PPARG: variants seen among roughly 807,000 people sequenced by gnomAD.
PPARG encodes the protein peroxisome proliferator-activated receptor gamma.
A neutral mutation model predicts 39.2 loss-of-function variants in PPARG; 17 were observed. The ratio of observed to expected loss-of-function variants is 0.43; its 90% CI spans 0.30 to 0.65. The LOEUF is 0.65. Among genes scored for constraint, PPARG ranks in the 30% least tolerant of loss-of-function variants. PPARG has a pLI of 0.13. For missense variants in PPARG, 406 were observed against 585.9 expected (o/e 0.69, Z 3.17); for synonymous variants, 223 against 215.7 (o/e 1.03, Z -0.30).
chr3:12,370,089 G>A (rs1053876328), intron 2 of PPARG, among the ~76,000 whole-genome samples: 4 of 151,944 alleles, frequency 2.6e-5, no homozygotes, highest in African/African-American at 7.3e-5. Context: ...AGAGTACGTG[G>A]GAGGTAACTT....
At chr3:12,306,887 A>T (rs1304781021) in intron 1 of PPARG, among the ~76,000 whole-genome samples, 1 of 151,980 alleles carries the variant, frequency 6.6e-6, no homozygotes, top group East Asian at 1.9e-4. Context: ...TCACGAGGTC[A>T]GGAGATCGAG....
intron 2 of PPARG, among the ~76,000 whole-genome samples, chr3:12,352,459 A>G (rs1007385805): frequency 6.6e-6 from 1 of 152,154 alleles, no homozygotes; most frequent in African/African-American, 2.4e-5. Context: ...CTCCATTTCT[A>G]TAGCTCCTTC....
chr3:12,353,818 C>T (rs1384980084), intron 2 of PPARG, among the ~76,000 whole-genome samples: 1 of 152,166 alleles, frequency 6.6e-6, no homozygotes, highest in Admixed American at 6.5e-5. Flanking sequence ...CTCATGCTGG[C>T]TCTGAAACCA....
chr3:12,298,917 C>T (rs1290615843), intron 1 of PPARG, among the ~76,000 whole-genome samples: 1 of 152,108 alleles, frequency 6.6e-6, no homozygotes. Context: ...CTCACTGCAG[C>T]CTCAACTTCT....
chr3:12,296,225 A>T (rs1447920311), intron 1 of PPARG, among the ~76,000 whole-genome samples: 1 of 136,374 alleles, frequency 7.3e-6, no homozygotes, highest in Admixed American at 8.5e-5. Flanking sequence ...ACTGCACTCT[A>T]GCCTGGGCAA....
intron 2 of PPARG, among the ~76,000 whole-genome samples, chr3:12,347,652 G>A (rs979432219): frequency 5.3e-5 from 8 of 152,162 alleles, no homozygotes; most frequent in Admixed American, 4.6e-4. Flanking sequence ...CATTCTGGTT[G>A]TTAGCAATTA....
intron 6 of PPARG, among the ~76,000 whole-genome samples, chr3:12,415,717 A>G (rs546484959): frequency 3.5e-4 from 54 of 152,364 alleles, no homozygotes; most frequent in African/African-American, 1.1e-3. Context: ...TAGGCCTTCT[A>G]TATCTGCTCT....
Position 12,351,593 on chromosome 3 carries a change from A to G in PPARG, c.-8-28111A>G, listed in dbSNP as rs775628426. ...CAGCAAACCCCTATTCCATGCTGTT[A>G]TGGGTGAAACTCTGGGAGATTCTCC... is the stretch of plus-strand genomic sequence containing the variant. On this transcript the variant is annotated intron_variant, in intron 2 of 7. Coordinates refer to ENST00000651735, the MANE Select transcript of PPARG (RefSeq NM_138711.6). 3.7e-6 allele frequency: 6 copies of G among 1,601,692 alleles called. No homozygotes were observed. The highest frequency in any genetic ancestry group is 2.2e-5 in the East Asian group (1 of 44,806).
At chr3:12,373,124 A>G (rs984617022) in intron 2 of PPARG, among the ~76,000 whole-genome samples, 2 of 152,234 alleles carry the variant, frequency 1.3e-5, no homozygotes, top group Non-Finnish European at 2.9e-5. Context: ...ACAGCTTGGC[A>G]GAAACAGTAG....
At chr3:12,352,449 C>A (rs1333372140) in intron 2 of PPARG, among the ~76,000 whole-genome samples, 2 of 152,174 alleles carry the variant, frequency 1.3e-5, no homozygotes, top group East Asian at 1.9e-4. Context: ...AATATAAGTT[C>A]TCCATTTCTA....
At chr3:12,359,800 G>A (rs1365433531) in intron 2 of PPARG, among the ~76,000 whole-genome samples, 5 of 150,286 alleles carry the variant, frequency 3.3e-5, no homozygotes, top group African/African-American at 1.2e-4. Context: ...TCAGCCTCCC[G>A]AGTAACTGGG....
chr3:12,354,873 G>A (rs2048610168), intron 2 of PPARG, among the ~76,000 whole-genome samples: 1 of 152,102 alleles, frequency 6.6e-6, no homozygotes, highest in African/African-American at 2.4e-5. Flanking sequence ...GAATGAAGCG[G>A]GGCATCCGCA....
chr3:12,289,954 T>G (rs559625806), intron 1 of PPARG, among the ~76,000 whole-genome samples: 13 of 152,286 alleles, frequency 8.5e-5, no homozygotes, highest in African/African-American at 3.1e-4. Context: ...ATATTCACTT[T>G]AATATACGAA....
intron 2 of PPARG, among the ~76,000 whole-genome samples, chr3:12,316,157 A>C (rs1329276488): frequency 6.6e-6 from 1 of 152,220 alleles, no homozygotes; most frequent in African/African-American, 2.4e-5. Flanking sequence ...AAATCAAAAG[A>C]GCAAACTCTT....
At chr3:12,327,925 G>A in intron 2 of PPARG, 1 of 642,732 alleles carries the variant, frequency 1.6e-6, no homozygotes, top group South Asian at 1.8e-5. Context: ...TAAAAGCTCT[G>A]TTTTCTTTAC....
chr3:12,338,032 T>G (rs1007348013), intron 2 of PPARG, among the ~76,000 whole-genome samples: 2 of 152,226 alleles, frequency 1.3e-5, no homozygotes, highest in African/African-American at 4.8e-5. Flanking sequence ...TCCTTCTGCC[T>G]CTTCAGTCTT....
intron 5 of PPARG, among the ~76,000 whole-genome samples, chr3:12,399,660 G>A (rs2050396367): frequency 7.1e-5 from 1 of 14,090 alleles, no homozygotes; most frequent in South Asian, 9.9e-4. Flanking sequence ...AGGAAGGGAG[G>A]GAGGGAGGGA....
At chr3:12,397,378 TTTATTA>T (rs200520715) in intron 5 of PPARG, among the ~76,000 whole-genome samples, 15,405 of 131,914 alleles carry the variant, frequency 0.12, 1,033 homozygotes, top group Admixed American at 0.21. Flanking sequence ...CCTATTCCTT[TTTATTA>T]TTATTATTAT....
intron 2 of PPARG, among the ~76,000 whole-genome samples, chr3:12,318,029 A>T (rs1288960413): frequency 1.3e-5 from 2 of 152,140 alleles, no homozygotes; most frequent in Non-Finnish European, 2.9e-5. Context: ...GCTGGAGTGC[A>T]GTGGTGCAAT....
Sources: gnomAD v4.1 joint callset for allele counts (sites outside exome capture counted in the v4.1 genomes callset) on GRCh38, gnomAD v4.1.1 for gene constraint, MANE v1.5 for transcripts, NCBI Gene and HGNC (gene_info 2026-07-23, HGNC 2026-07-21) for gene names.